The following XAF1 variants were observed in gnomAD, a reference collection of about 807,000 sequenced individuals.
XAF1 encodes the protein XIAP associated factor 1.
In XAF1, 32 loss-of-function variants were observed where a neutral mutation model predicts 32.3. The observed-to-expected ratio is 0.99, with a 90% CI of 0.75 to 1.33. The LOEUF is 1.33. XAF1 is among the 40% of genes most tolerant of loss of function. XAF1 has a pLI of 0.00. For missense variants in XAF1, 379 were observed against 366.0 expected, an observed-to-expected ratio of 1.04 and a Z score of -0.29; for synonymous variants, 120 against 125.9, an observed-to-expected ratio of 0.95 and a Z score of 0.31.
upstream of XAF1, chr17:6,756,035 C>A (rs369360551): frequency 1.7e-5 from 27 of 1,613,540 alleles, no homozygotes; most frequent in Non-Finnish European, 2.3e-5. Flanking sequence ...GTTTCCTTGC[C>A]TGCAAGAAAC....
In XAF1 at chr17:6,770,661, T is replaced by G. The variant is rs1458701132; in HGVS notation, c.526T>G (p.Ser176Ala). 5.0e-6 allele frequency: 8 copies of G among 1,596,994 alleles called. No individual in the cohort carries two copies. The highest frequency in any genetic ancestry group is 1.4e-5 in the African/African-American group (1 of 73,732). The change falls in exon 6 of 7, where the codon TCA (serine) becomes GCA (alanine). Residue 176 changes from serine to alanine, a missense_variant. Transcript: ENST00000361842. ...ATTGCAGGGTAAATGTTGTCCAGAC[T>G]CAGAGTTTAAGAAACACTTTCCTGT... ...FHHMGKCCPD[S>A]EFKKHFPVGN...
At position 6,774,029 on chromosome 17, in the gene XAF1, C is replaced by G. The variant is rs1393837221; in HGVS notation, c.*860C>G. ...ATCAAACTACCAATAACATTCTTCA[C>G]AGAATCAGAAAAAAAAAGCATTAAA... On this transcript the variant is annotated 3_prime_UTR_variant, in exon 7 of 7. Coordinates refer to ENST00000361842, the MANE Select transcript of XAF1 (RefSeq NM_017523.5). The G allele has an allele frequency of 6.6e-6, 1 of 151,886 alleles. No homozygotes were observed. The highest frequency in any genetic ancestry group is 1.5e-5 in the Non-Finnish European group (1 of 67,962). The allele number at this position is 151,886 out of a possible 1,614,324, so 9.4% of individuals were successfully genotyped here.
rs57323394 is a variant in XAF1 at position 6,775,040 on chromosome 17, TAA to T, written c.*1884_*1885del. On this transcript the variant is annotated 3_prime_UTR_variant, in exon 7 of 7. Transcript: ENST00000361842. ...TGGGCAACCAAGCGAGACTCTGCCT[TAA>T]AAAAAAAAAAAAGAAAATGTGGCAC... 0.044 allele frequency: 6,073 copies of T among 137,054 alleles called. 389 individuals are homozygous for T. The highest frequency in any genetic ancestry group is 0.14 in the African/African-American group (5,480 of 37,994). 8.5% of individuals were successfully genotyped at this position (137,054 alleles called of 1,614,324 possible). A position where few individuals can be genotyped will look rare whatever the true frequency, so the allele number is the denominator to read the frequency against.
chr17:6,764,722 T>C (rs1343619966), intron 5 of XAF1, among the ~76,000 whole-genome samples: 1 of 151,988 alleles, frequency 6.6e-6, no homozygotes, highest in Non-Finnish European at 1.5e-5. Context: ...TCTTGTTTCT[T>C]TGTTCCCCTC....
chr17:6,772,539 C>T (rs1304718281), intron 6 of XAF1, among the ~76,000 whole-genome samples: 1 of 135,080 alleles, frequency 7.4e-6, no homozygotes. Context: ...GGTGGGATCT[C>T]GGCTCACTGC....
At chr17:6,759,888 C>T in intron 3 of XAF1, 170 bp downstream of exon 3, 1 of 1,142,926 alleles carries the variant, frequency 8.7e-7, no homozygotes, top group Non-Finnish European at 1.2e-6. Context: ...ACAGGTTCTC[C>T]TGTCCCCCAG....
intron 1 of XAF1, chr17:6,757,478 T>C (rs1250778865): frequency 1.3e-5 from 2 of 152,250 alleles, no homozygotes; most frequent in East Asian, 3.9e-4. Context: ...GCTTTGGAGA[T>C]TTTGGAAGTT....
chr17:6,762,354 G>C (rs1975287231), intron 5 of XAF1, 114 bp downstream of exon 5: 1 of 863,474 alleles, frequency 1.2e-6, no homozygotes, highest in African/African-American at 1.7e-5. Flanking sequence ...ATATTAAAGG[G>C]TCCCATATTT....
chr17:6,766,018 G>C (rs1975605480), intron 5 of XAF1, among the ~76,000 whole-genome samples: 1 of 151,924 alleles, frequency 6.6e-6, no homozygotes, highest in South Asian at 2.1e-4. Flanking sequence ...ATTGTTTCTT[G>C]AGCATACCAT....
chr17:6,764,761 A>G (rs1217369037), intron 5 of XAF1, among the ~76,000 whole-genome samples: 4 of 152,194 alleles, frequency 2.6e-5, no homozygotes, highest in Admixed American at 1.3e-4. Flanking sequence ...CTAGTTGTCT[A>G]TAAGTAACTG....
At chr17:6,767,750 TGC>T (rs1975722130) in intron 5 of XAF1, among the ~76,000 whole-genome samples, 3 of 152,162 alleles carry the variant, frequency 2.0e-5, no homozygotes, top group Non-Finnish European at 4.4e-5. Context: ...CTGCTGCTGC[TGC>T]TGCTGCTGCT....
At chr17:6,760,347 C>CA (rs71383422) in intron 3 of XAF1, 59 bp from the exon 4 acceptor site, 230,654 of 1,019,152 alleles carry the variant, frequency 0.23, 7,510 homozygotes, top group African/African-American at 0.45. Context: ...GACTCTGTCT[C>CA]AAAAAAAAAA....
rs749102101 is a variant in XAF1, at chr17:6,760,424, C to T, written c.244C>T (p.Arg82Cys). 1.5e-5 allele frequency: 24 copies of T among 1,611,542 alleles called. No individual in the cohort carries two copies. Among genetic ancestry groups the T allele is most frequent in the Middle Eastern group, 1.7e-4 (1 of 5,742 alleles). Residue 82 changes from arginine (R) to cysteine (C), a missense_variant, in exon 4 of 7, where the codon CGC becomes TGC. Transcript: ENST00000361842. ...EFHKANECQE[R>C]PVECKFCKLD... ...CCCACAGGCCAATGAGTGCCAGGAG[C>T]GCCCTGTTGAGTGTAAGTTCTGCAA...
At chr17:6,762,576 T>G (rs1309698114) in intron 5 of XAF1, among the ~76,000 whole-genome samples, 1 of 152,194 alleles carries the variant, frequency 6.6e-6, no homozygotes, top group Non-Finnish European at 1.5e-5. Flanking sequence ...CGGTCCCATG[T>G]GGGAGTCTTC....
rs772419962 is a variant in XAF1, at chr17:6,758,112, A to G, written c.56A>G (p.Asn19Ser). Residue 19 changes from asparagine (N) to serine (S), a missense_variant, in exon 2 of 7, where the codon AAC becomes AGC. Physicochemically the swap from Asn to Ser is conservative, Grantham distance 46 (BLOSUM62 1). Coordinates refer to ENST00000361842, the MANE Select transcript of XAF1 (RefSeq NM_017523.5). ...AGTAAAAGACATGTAGTCTCTGCCA[A>G]CTTCACCCTCCATGAGGCTTACTGC... ...RNCKRHVVSANFTLHEAYCLR... is the reference protein window; with the variant it reads ...RNCKRHVVSASFTLHEAYCLR... The G allele has an allele frequency of 1.2e-6, 2 of 1,614,220 alleles. No individual in the cohort carries two copies. Among genetic ancestry groups the G allele is most frequent in the Non-Finnish European group, 1.7e-6 (2 of 1,180,034 alleles).
chr17:6,763,294 T>C (rs574296281), intron 5 of XAF1, among the ~76,000 whole-genome samples: 33 of 152,210 alleles, frequency 2.2e-4, no homozygotes, highest in Non-Finnish European at 8.8e-5. Context: ...AGTTGTGGCA[T>C]GTGTCAGCAT....
intron 3 of XAF1, 186 bp downstream of exon 3, chr17:6,759,904 G>T (rs762748713): frequency 3.0e-6 from 3 of 989,552 alleles, no homozygotes; most frequent in Middle Eastern, 2.4e-4. Flanking sequence ...CCCAGATACT[G>T]ATCAGAAGGG....
chr17:6,762,326 C>T (rs1975284265), intron 5 of XAF1, 86 bp downstream of exon 5: 2 of 1,137,042 alleles, frequency 1.8e-6, no homozygotes. Flanking sequence ...ATTCTGGGCC[C>T]AATTTTACAT....
Position 6,762,217 on chromosome 17 carries a change from G to A in XAF1, c.484G>A (p.Glu162Lys). 6.2e-7 allele frequency: 1 copy of A among 1,613,130 alleles called. No individual in the cohort carries two copies. Among genetic ancestry groups the A allele is most frequent in the African/African-American group, 1.3e-5 (1 of 75,020 alleles). ...YCHYCNQMIP[E>K]NKYFHHMGKC... ...TCATTATTGCAACCAAATGATTCCA[G>A]AAAATAAGTATTTCCACCATATGGT... The change falls in exon 5 of 7, where the codon GAA becomes AAA. Residue 162 changes from glutamate to lysine, a missense_variant. Glu to Lys is a moderately conservative substitution (Grantham distance 56, BLOSUM62 1). Coordinates refer to ENST00000361842, the MANE Select transcript of XAF1 (RefSeq NM_017523.5).
Sources: allele counts gnomAD v4.1 joint callset (sites outside exome capture counted in the v4.1 genomes callset), GRCh38; gene constraint gnomAD v4.1.1; transcripts MANE v1.5; gene names NCBI Gene and HGNC (gene_info 2026-07-23, HGNC 2026-07-21).